The following CDH8 variants were observed in gnomAD, a reference collection of about 807,000 sequenced individuals.
CDH8 encodes the protein cadherin 8.
A neutral mutation model predicts 68.1 loss-of-function variants in CDH8; 17 were observed. The observed-to-expected ratio is 0.25, with a 90% CI of 0.17 to 0.37. The LOEUF (loss-of-function observed/expected upper bound fraction) is 0.37, where lower values mean the gene tolerates loss of function less well. Among genes scored for constraint, CDH8 ranks in the 10% least tolerant of loss-of-function variants. The probability of loss-of-function intolerance (pLI) is 1.00; values close to 1 mark genes in which losing one functional copy is unlikely to be tolerated. For missense variants in CDH8, 763 were observed against 999.3 expected (o/e 0.76, Z 3.19); for synonymous variants, 372 against 365.1 (o/e 1.02, Z -0.21).
intron 2 of CDH8, among the ~76,000 whole-genome samples, chr16:61,917,001 T>G (rs1964248963): frequency 6.6e-6 from 1 of 152,058 alleles, no homozygotes; most frequent in Non-Finnish European, 1.5e-5. Context: ...ACTTTGAAAG[T>G]GACCTTGTGC....
At chr16:61,683,948 G>T (rs1964057434) in intron 10 of CDH8, among the ~76,000 whole-genome samples, 1 of 151,996 alleles carries the variant, frequency 6.6e-6, no homozygotes, top group African/African-American at 2.4e-5. Context: ...AGAAGGAAGA[G>T]CAGGGCCCAT....
intron 8 of CDH8, among the ~76,000 whole-genome samples, chr16:61,736,222 G>C (rs1292794059): frequency 6.6e-6 from 1 of 152,024 alleles, no homozygotes; most frequent in Non-Finnish European, 1.5e-5. Context: ...ATGTAAAAAG[G>C]CCCAGAGACC....
intron 2 of CDH8, among the ~76,000 whole-genome samples, chr16:61,965,908 C>G (rs1965241470): frequency 6.6e-6 from 1 of 152,164 alleles, no homozygotes; most frequent in Admixed American, 6.6e-5. Flanking sequence ...CCTGTATTAT[C>G]CTTCTGTTTA....
intron 8 of CDH8, among the ~76,000 whole-genome samples, chr16:61,763,649 G>A (rs1370250368): frequency 4.8e-4 from 73 of 152,078 alleles, no homozygotes; most frequent in Non-Finnish European, 7.4e-5. Context: ...ACAGTTGACA[G>A]CATAAAAAAT....
In CDH8 at chr16:61,647,904, G is replaced by T. The variant is rs550498599; in HGVS notation, c.*5704C>A. The T allele has an allele frequency of 7.2e-6, 5 of 695,052 alleles. No homozygotes were observed. Among genetic ancestry groups the T allele is most frequent in the East Asian group, 2.7e-5 (1 of 37,112 alleles). The allele number at this position is 695,052 out of a possible 1,614,324, so 43.1% of individuals were successfully genotyped here. ...CTTCTGTAATCTGTGGATAATAATA[G>T]AAATATCTATTATCTATTAGTAGGG... On this transcript the variant is annotated 3_prime_UTR_variant, in exon 12 of 12. Coordinates refer to ENST00000577390, the MANE Select transcript of CDH8 (RefSeq NM_001796.5).
intron 4 of CDH8, among the ~76,000 whole-genome samples, chr16:61,846,113 C>T (rs1321372240): frequency 6.6e-6 from 1 of 152,070 alleles, no homozygotes; most frequent in Non-Finnish European, 1.5e-5. Flanking sequence ...TTTTGAATTC[C>T]TGTACCCAAC....
chr16:61,868,411 G>A (rs985726825), intron 3 of CDH8, among the ~76,000 whole-genome samples: 2 of 152,130 alleles, frequency 1.3e-5, no homozygotes, highest in African/African-American at 4.8e-5. Flanking sequence ...TCTGAATTAT[G>A]TGTTATGTCT....
chr16:61,953,895 TTATATATATA>T lies in CDH8; in HGVS notation c.253-52432_253-52423del, dbSNP rs66743095. Among the ~76,000 whole-genome samples, 170 of 118,864 alleles carry T rather than the reference TTATATATATA, an allele frequency of 1.4e-3. 3 individuals carry two copies. Among genetic ancestry groups the T allele is most frequent in the African/African-American group, 5.6e-3 (149 of 26,596 alleles). The allele number at this position is 118,864 out of a possible 152,430, so 78.0% of individuals were successfully genotyped here. On this transcript the variant is annotated intron_variant, in intron 2 of 11. Coordinates refer to ENST00000577390, the MANE Select transcript of CDH8 (RefSeq NM_001796.5). ...CTGTCTCAAAAAGAAAAAAAAAACTTTATATATATATATATATATATATATATATATAAAA... is the reference window on the plus strand; with the variant it reads ...CTGTCTCAAAAAGAAAAAAAAAACTTTATATATATATATATATATATAAAA...
intron 8 of CDH8, among the ~76,000 whole-genome samples, chr16:61,774,285 A>T (rs541954075): frequency 1.3e-5 from 2 of 152,028 alleles, no homozygotes; most frequent in African/African-American, 2.4e-5. Context: ...AGGGAAACAG[A>T]CAGGGGACGC....
intron 2 of CDH8, among the ~76,000 whole-genome samples, chr16:61,979,161 A>C (rs1965490396): frequency 6.6e-6 from 1 of 152,114 alleles, no homozygotes; most frequent in African/African-American, 2.4e-5. Context: ...CACTCCAATA[A>C]ATTTTGGCTA....
chr16:62,009,832 T>G (rs916787530), intron 2 of CDH8, among the ~76,000 whole-genome samples: 2 of 152,248 alleles, frequency 1.3e-5, no homozygotes, highest in African/African-American at 4.8e-5. Context: ...ATTTAAAGCA[T>G]GTAGCAAGAT....
intron 7 of CDH8, among the ~76,000 whole-genome samples, chr16:61,816,470 T>C (rs1962077388): frequency 4.6e-5 from 7 of 152,166 alleles, no homozygotes; most frequent in Admixed American, 4.6e-4. Context: ...GACTTGTAAA[T>C]TGAAAGGGTT....
chr16:61,818,943 T>A (rs1411635291), intron 6 of CDH8, among the ~76,000 whole-genome samples: 1 of 151,322 alleles, frequency 6.6e-6, no homozygotes, highest in African/African-American at 2.4e-5. Context: ...TCCTTTTTTT[T>A]TTTTTTTTTC....
chr16:61,688,234 G>C (rs941786267), intron 10 of CDH8, among the ~76,000 whole-genome samples: 12 of 151,962 alleles, frequency 7.9e-5, no homozygotes, highest in Admixed American at 7.9e-4. Context: ...CTCCCTGCCT[G>C]AGCAGCTAAT....
At chr16:61,941,910 A>G (rs1031794961) in intron 2 of CDH8, among the ~76,000 whole-genome samples, 5 of 152,118 alleles carry the variant, frequency 3.3e-5, no homozygotes, top group South Asian at 4.1e-4. Flanking sequence ...ATCTTATCTC[A>G]TCCTTTGATC....
At position 62,021,496 on chromosome 16, in the gene CDH8, G is replaced by T; in HGVS notation, c.-93C>A. On this transcript the variant is annotated 5_prime_UTR_variant, in exon 2 of 12. Coordinates refer to ENST00000577390, the MANE Select transcript of CDH8 (RefSeq NM_001796.5). ...CATCCAATTCATCATGCAGTGCCGA[G>T]CATTTACTTACAGCTCTGCCACGTG... The T allele has an allele frequency of 6.6e-7, 1 of 1,517,480 alleles. No homozygotes were observed. The highest frequency in any genetic ancestry group is 8.8e-7 in the Non-Finnish European group (1 of 1,137,188). The allele number at this position is 1,517,480 out of a possible 1,614,324, so 94.0% of individuals were successfully genotyped here.
intron 4 of CDH8, among the ~76,000 whole-genome samples, chr16:61,845,869 A>G (rs1226638721): frequency 6.6e-6 from 1 of 152,114 alleles, no homozygotes; most frequent in East Asian, 1.9e-4. Context: ...TGAAAAACCG[A>G]CTTATCCTGC....
intron 9 of CDH8, among the ~76,000 whole-genome samples, chr16:61,719,334 A>G (rs1959200645): frequency 6.6e-6 from 1 of 151,146 alleles, no homozygotes; most frequent in South Asian, 2.1e-4. Context: ...TAGAACTTCC[A>G]ACATTTTTTT....
intron 8 of CDH8, among the ~76,000 whole-genome samples, chr16:61,730,530 T>A (rs1023461660): frequency 6.6e-6 from 1 of 151,556 alleles, no homozygotes; most frequent in Non-Finnish European, 1.5e-5. Flanking sequence ...TAGTTTATAG[T>A]TCGGTGAGAA....
Sources: allele counts gnomAD v4.1 joint callset (sites outside exome capture counted in the v4.1 genomes callset), GRCh38; gene constraint gnomAD v4.1.1; transcripts MANE v1.5; gene names NCBI Gene and HGNC (gene_info 2026-07-23, HGNC 2026-07-21).